FHIT: variants seen among roughly 807,000 people sequenced by gnomAD.
The protein encoded by FHIT is fragile histidine triad diadenosine triphosphatase.
FHIT carries 19 observed loss-of-function variants against 17.9 expected under a neutral mutation model. That is an observed-to-expected ratio of 1.06 (90% CI 0.74 to 1.56). The LOEUF (loss-of-function observed/expected upper bound fraction) is 1.56. FHIT is among the 40% of genes most tolerant of loss of function. The probability of loss-of-function intolerance (pLI) is 0.00; values close to 1 mark genes in which losing one functional copy is unlikely to be tolerated. For missense variants in FHIT, 248 were observed against 189.2 expected (o/e 1.31, Z -1.82); for synonymous variants, 81 against 69.7 (o/e 1.16, Z -0.81).
At chr3:59,953,667 C>A (rs1419153379) in intron 7 of FHIT, among the ~76,000 whole-genome samples, 1 of 152,178 alleles carries the variant, frequency 6.6e-6, no homozygotes, top group East Asian at 1.9e-4. Context: ...CCACTCAGCA[C>A]CAAGAGGCCA....
chr3:60,069,757 CT>C (rs1350779942), intron 5 of FHIT, among the ~76,000 whole-genome samples: 16 of 152,150 alleles, frequency 1.1e-4, no homozygotes, highest in African/African-American at 3.9e-4. Flanking sequence ...CATCAATCAA[CT>C]GAAGTTCCCT....
intron 5 of FHIT, among the ~76,000 whole-genome samples, chr3:60,243,217 G>C (rs1047821873): frequency 6.6e-6 from 1 of 152,030 alleles, no homozygotes; most frequent in African/African-American, 2.4e-5. Flanking sequence ...ATAACTATCT[G>C]GTTAAGTGGT....
chr3:60,872,498 C>A (rs1704455506), intron 3 of FHIT, among the ~76,000 whole-genome samples: 1 of 152,152 alleles, frequency 6.6e-6, no homozygotes, highest in South Asian at 2.1e-4. Context: ...TTCTTCTACC[C>A]AGAAAAATTC....
At chr3:59,952,384 C>A (rs531039430) in intron 7 of FHIT, among the ~76,000 whole-genome samples, 2 of 152,232 alleles carry the variant, frequency 1.3e-5, no homozygotes, top group East Asian at 3.9e-4. Flanking sequence ...TCGGGACATG[C>A]AGACATCTCC....
intron 5 of FHIT, among the ~76,000 whole-genome samples, chr3:60,271,921 G>A (rs1706885383): frequency 6.6e-6 from 1 of 152,142 alleles, no homozygotes; most frequent in Non-Finnish European, 1.5e-5. Flanking sequence ...TCCAGGTGTA[G>A]TACCAAGTGC....
At chr3:60,559,743 G>C (rs1292509120) in intron 4 of FHIT, among the ~76,000 whole-genome samples, 1 of 105,628 alleles carries the variant, frequency 9.5e-6, no homozygotes, top group Admixed American at 8.5e-5. Flanking sequence ...TAGAAGATGA[G>C]AAAAAGCATG....
intron 8 of FHIT, among the ~76,000 whole-genome samples, chr3:59,757,278 T>TC (rs2106761787): frequency 6.6e-6 from 1 of 152,316 alleles, no homozygotes; most frequent in Admixed American, 6.5e-5. Context: ...TGTGATGGCC[T>TC]CTCCAAGCAA....
At chr3:60,961,657 T>G (rs1459090925) in intron 3 of FHIT, among the ~76,000 whole-genome samples, 1 of 152,196 alleles carries the variant, frequency 6.6e-6, no homozygotes, top group Non-Finnish European at 1.5e-5. Context: ...GGCTAGCCAG[T>G]TTTCCCAGCA....
intron 3 of FHIT, among the ~76,000 whole-genome samples, chr3:60,953,303 G>A (rs1467521917): frequency 2.0e-5 from 3 of 152,040 alleles, no homozygotes; most frequent in Admixed American, 6.6e-5. Flanking sequence ...CTCCCTAAAC[G>A]CAAGGACGAT....
chr3:60,169,353 A>G (rs1701317413), intron 5 of FHIT, among the ~76,000 whole-genome samples: 1 of 152,190 alleles, frequency 6.6e-6, no homozygotes, highest in Admixed American at 6.5e-5. Context: ...AGGTAGAAAT[A>G]AACATCCATC....
At chr3:61,153,771 A>C (rs1218070471) in intron 2 of FHIT, among the ~76,000 whole-genome samples, 1 of 152,224 alleles carries the variant, frequency 6.6e-6, no homozygotes, top group Non-Finnish European at 1.5e-5. Flanking sequence ...GTTATTATGA[A>C]AATGGTGATT....
chr3:61,172,458 C>CA (rs2038033057), intron 2 of FHIT, among the ~76,000 whole-genome samples: 1 of 152,064 alleles, frequency 6.6e-6, no homozygotes, highest in Non-Finnish European at 1.5e-5. Context: ...TGGTTACTGC[C>CA]CAGAGGGGAG....
chr3:60,780,261 C>T (rs73105412), intron 4 of FHIT, among the ~76,000 whole-genome samples: 5,678 of 152,222 alleles, frequency 0.037, 130 homozygotes, highest in South Asian at 0.067. Flanking sequence ...TCTCTCTTCA[C>T]TAATAGGTAA....
chr3:60,366,334 A>G (rs905017410), intron 5 of FHIT, among the ~76,000 whole-genome samples: 15 of 152,150 alleles, frequency 9.9e-5, no homozygotes, highest in Middle Eastern at 3.2e-3. Flanking sequence ...CATGTTGGCC[A>G]GGCTGCTCTC....
At chr3:60,300,679 T>A (rs1708421830) in intron 5 of FHIT, among the ~76,000 whole-genome samples, 1 of 152,140 alleles carries the variant, frequency 6.6e-6, no homozygotes, top group Admixed American at 6.6e-5. Context: ...CCCTGCCTAC[T>A]TCCCACTTGC....
chr3:60,707,626 T>A (rs185722562), intron 4 of FHIT, among the ~76,000 whole-genome samples: 2 of 152,126 alleles, frequency 1.3e-5, no homozygotes, highest in Admixed American at 1.3e-4. Flanking sequence ...GCAATTAGAG[T>A]CCAGCAGTCT....
chr3:60,493,569 C>G (rs577013127), intron 5 of FHIT, among the ~76,000 whole-genome samples: 1 of 152,256 alleles, frequency 6.6e-6, no homozygotes, highest in East Asian at 1.9e-4. Context: ...TTAATTAGGT[C>G]ACACCTTCAA....
intron 5 of FHIT, among the ~76,000 whole-genome samples, chr3:60,444,386 C>T (rs964663456): frequency 5.9e-5 from 9 of 152,150 alleles, no homozygotes; most frequent in East Asian, 1.9e-4. Context: ...TATAAAGACA[C>T]GTGCACACGT....
intron 3 of FHIT, among the ~76,000 whole-genome samples, chr3:60,840,305 T>G (rs1553744773): frequency 6.6e-6 from 1 of 152,192 alleles, no homozygotes; most frequent in African/African-American, 2.4e-5. Context: ...TTTTCACATC[T>G]TTCATGATGT....
Sources: gnomAD v4.1 joint callset for allele counts (sites outside exome capture counted in the v4.1 genomes callset) on GRCh38, gnomAD v4.1.1 for gene constraint, MANE v1.5 for transcripts, NCBI Gene and HGNC (gene_info 2026-07-23, HGNC 2026-07-21) for gene names.